POU2F1: variants seen among roughly 807,000 people sequenced by gnomAD.
POU2F1 encodes the protein POU class 2 homeobox 1, also known as POU domain, class 2, transcription factor 1.
A neutral mutation model predicts 84.9 loss-of-function variants in POU2F1; 16 were observed. The observed-to-expected ratio is 0.19, with a 90% CI of 0.13 to 0.29. The LOEUF is 0.29. POU2F1 is among the 10% of genes least tolerant of loss of function. POU2F1 has a pLI of 1.00. For synonymous variants in POU2F1, 368 were observed against 368.3 expected (o/e 1.00, Z 0.01); for missense variants, 738 against 942.6 (o/e 0.78, Z 2.84).
intron 3 of POU2F1, 87 bp downstream of exon 3, chr1:167,365,654 G>A (rs1319668429): frequency 4.2e-6 from 4 of 942,990 alleles, no homozygotes; most frequent in South Asian, 2.0e-5. Flanking sequence ...CAGAATGTGG[G>A]ACCTTTTAAA....
intron 2 of POU2F1, among the ~76,000 whole-genome samples, chr1:167,365,257 C>G (rs533980204): frequency 1.3e-5 from 2 of 152,286 alleles, no homozygotes; most frequent in Admixed American, 6.5e-5. Flanking sequence ...GTTTCTTAAG[C>G]TTTATCAGTG....
At chr1:167,362,932 A>C (rs1659437605) in intron 2 of POU2F1, among the ~76,000 whole-genome samples, 3 of 152,174 alleles carry the variant, frequency 2.0e-5, no homozygotes. Flanking sequence ...AGAATTGACT[A>C]AACCTGGGAG....
chr1:167,270,912 T>A (rs893600559), intron 1 of POU2F1, among the ~76,000 whole-genome samples: 4 of 152,086 alleles, frequency 2.6e-5, no homozygotes, highest in African/African-American at 9.7e-5. Flanking sequence ...TATGCTAATC[T>A]GAAAGCTCTA....
chr1:167,250,548 T>C (rs979052534), intron 1 of POU2F1, among the ~76,000 whole-genome samples: 23 of 152,212 alleles, frequency 1.5e-4, no homozygotes, highest in African/African-American at 5.3e-4. Context: ...AATTCATTTG[T>C]TGTTGACATT....
chr1:167,389,509 T>G, intron 8 of POU2F1, 79 bp from the exon 9 acceptor site: 1 of 1,502,742 alleles, frequency 6.7e-7, no homozygotes, highest in Middle Eastern at 1.7e-4. Flanking sequence ...TGTGGCTCTT[T>G]CCTTCAGTTG....
At chr1:167,342,567 A>G (rs938558838) in intron 2 of POU2F1, among the ~76,000 whole-genome samples, 2 of 152,316 alleles carry the variant, frequency 1.3e-5, no homozygotes, top group Non-Finnish European at 2.9e-5. Context: ...GCTATTCTTC[A>G]TAGTAATTTA....
At chr1:167,243,878 T>C (rs1238194127) in intron 1 of POU2F1, among the ~76,000 whole-genome samples, 1 of 152,230 alleles carries the variant, frequency 6.6e-6, no homozygotes, top group African/African-American at 2.4e-5. Context: ...CTGATAAATA[T>C]AGTACAGGAC....
intron 8 of POU2F1, among the ~76,000 whole-genome samples, chr1:167,388,294 T>G (rs1037010768): frequency 2.0e-5 from 3 of 152,240 alleles, no homozygotes; most frequent in Non-Finnish European, 4.4e-5. Flanking sequence ...ATTTACTTCT[T>G]GAATTAGCAA....
chr1:167,344,646 A>T (rs1199676495), intron 2 of POU2F1, among the ~76,000 whole-genome samples: 1 of 152,202 alleles, frequency 6.6e-6, no homozygotes, highest in East Asian at 1.9e-4. Flanking sequence ...GGAGATAAAT[A>T]ATAATCCATC....
chr1:167,367,307 A>G (rs1571380801), intron 3 of POU2F1, among the ~76,000 whole-genome samples: 1 of 152,210 alleles, frequency 6.6e-6, no homozygotes, highest in South Asian at 2.1e-4. Context: ...CTGTTGCCCC[A>G]TTAACTATAA....
In POU2F1 at chr1:167,412,188, A is replaced by T. The variant is rs760481215; in HGVS notation, c.1785A>T (p.Ala595=). The part of the protein sequence containing the change: ...VMVTASGLQT[A]AAAALQGAAQ... ...TGACAGCATCAGGTTTGCAAACAGC[A>T]GCAGCTGCTGCCCTTCAAGGAGCTG... The change falls in exon 14 of 16, where the codon GCA becomes GCT. Residue 595 remains alanine (A), a synonymous_variant. Coordinates refer to ENST00000367866, the MANE Select transcript of POU2F1 (RefSeq NM_002697.4). The T allele has an allele frequency of 4.3e-6, 7 of 1,613,892 alleles. No individual in the cohort carries two copies. Among genetic ancestry groups the T allele is most frequent in the Non-Finnish European group, 4.2e-6 (5 of 1,179,856 alleles).
At chr1:167,358,716 C>CTTTTTT (rs1197814755) in intron 2 of POU2F1, among the ~76,000 whole-genome samples, 5 of 38,356 alleles carry the variant, frequency 1.3e-4, no homozygotes, top group African/African-American at 3.6e-4. Flanking sequence ...TTATCTGCAG[C>CTTTTTT]TTTTTTTTTT....
intron 1 of POU2F1, among the ~76,000 whole-genome samples, chr1:167,268,046 C>A (rs1420492968): frequency 6.6e-6 from 1 of 152,072 alleles, no homozygotes; most frequent in African/African-American, 2.4e-5. Flanking sequence ...TGTTCTTCAG[C>A]GTGACTCAAG....
rs1284165620 is a variant in POU2F1 at position 167,267,180 on chromosome 1, C to G, written c.61+46222C>G. On this transcript the variant is annotated intron_variant, in intron 1 of 15. Transcript: ENST00000367866. ...ATAATGTGTACTGATATAAAAAGAG[C>G]TATCAAATATATTAAATGGGGTGGG... Among the ~76,000 whole-genome samples the G allele has an allele frequency of 2.0e-5, 3 of 148,026 alleles. No individual in the cohort carries two copies. In the South Asian group the frequency reaches 6.4e-4, roughly 31 times the overall value.
intron 1 of POU2F1, among the ~76,000 whole-genome samples, chr1:167,301,815 G>A (rs1654720051): frequency 6.6e-6 from 1 of 151,758 alleles, no homozygotes; most frequent in African/African-American, 2.4e-5. Flanking sequence ...GTGTTTTTTT[G>A]TTCTGTGTGC....
At chr1:167,226,457 TG>T (rs1291652543) in intron 1 of POU2F1, among the ~76,000 whole-genome samples, 2 of 152,240 alleles carry the variant, frequency 1.3e-5, no homozygotes, top group Non-Finnish European at 2.9e-5. Context: ...ATTGAATAAC[TG>T]TAGATTTTAA....
intron 1 of POU2F1, among the ~76,000 whole-genome samples, chr1:167,289,793 A>G (rs541392489): frequency 6.6e-6 from 1 of 152,266 alleles, no homozygotes; most frequent in African/African-American, 2.4e-5. Context: ...TTGGTCTGAG[A>G]TGTTCATTTA....
chr1:167,242,779 GA>G (rs1323851895), intron 1 of POU2F1, among the ~76,000 whole-genome samples: 1 of 152,186 alleles, frequency 6.6e-6, no homozygotes, highest in African/African-American at 2.4e-5. Context: ...GCCTTGCTAT[GA>G]AAATGATACT....
chr1:167,358,122 C>CTTTTTTTTTTTTT (rs763521021), intron 2 of POU2F1, among the ~76,000 whole-genome samples: 23 of 97,126 alleles, frequency 2.4e-4, no homozygotes, highest in Admixed American at 5.7e-4. Flanking sequence ...TTTTTCTTTT[C>CTTTTTTTTTTTTT]TTTTTTTTTT....
Sources: gnomAD v4.1 joint callset for allele counts (sites outside exome capture counted in the v4.1 genomes callset) on GRCh38, gnomAD v4.1.1 for gene constraint, MANE v1.5 for transcripts, NCBI Gene and HGNC (gene_info 2026-07-23, HGNC 2026-07-21) for gene names.